Variants in DCDC2 observed in about 807,000 individuals in gnomAD.
DCDC2 encodes the protein doublecortin domain-containing protein 2.
Under a neutral mutation model 50.2 loss-of-function variants are expected in DCDC2, and 40 were observed. That is an observed-to-expected ratio of 0.80 (90% CI 0.62 to 1.04). The LOEUF is 1.04. Among genes scored for constraint, DCDC2 ranks in the 50% least tolerant of loss-of-function variants. The pLI, the probability that DCDC2 is intolerant of heterozygous loss-of-function variation, is 0.00. For synonymous variants in DCDC2, 234 were observed against 210.6 expected, an observed-to-expected ratio of 1.11 and a Z score of -0.96; for missense variants, 570 against 581.9, an observed-to-expected ratio of 0.98 and a Z score of 0.21.
At position 24,172,442 on chromosome 6, in the gene DCDC2, C is replaced by T. The variant is rs1760800141; in HGVS notation, c.*2288G>A. ...AAACGTTATTATTCATGTAAAATAT[C>T]AATGTTGTGCTTCATTAAAATGACG... On this transcript the variant is annotated 3_prime_UTR_variant, in exon 10 of 10. Coordinates refer to ENST00000378454, the MANE Select transcript of DCDC2 (RefSeq NM_016356.5). The T allele has an allele frequency of 6.6e-6, 1 of 151,946 alleles. No individual in the cohort carries two copies. Among genetic ancestry groups the T allele is most frequent in the Admixed American group, 6.6e-5 (1 of 15,262 alleles). The allele number at this position is 151,946 out of a possible 1,614,324, so 9.4% of individuals were successfully genotyped here.
chr6:24,195,491 C>G (rs1658910806), intron 8 of DCDC2, among the ~76,000 whole-genome samples: 2 of 152,066 alleles, frequency 1.3e-5, no homozygotes. Context: ...ACCTTTGCAC[C>G]ATAGGGAGAC....
chr6:24,197,468 A>G (rs1761472170), intron 8 of DCDC2, among the ~76,000 whole-genome samples: 1 of 152,240 alleles, frequency 6.6e-6, no homozygotes, highest in Non-Finnish European at 1.5e-5. Context: ...ATACATGATG[A>G]TCACTCTTCT....
intron 9 of DCDC2, among the ~76,000 whole-genome samples, chr6:24,177,066 A>G (rs774628474): frequency 8.5e-5 from 13 of 152,232 alleles, no homozygotes; most frequent in Non-Finnish European, 1.9e-4. Flanking sequence ...GGATCTTACT[A>G]TCTAGTCCCA....
intron 7 of DCDC2, among the ~76,000 whole-genome samples, chr6:24,240,579 T>A (rs949511008): frequency 2.0e-5 from 3 of 152,224 alleles, no homozygotes; most frequent in African/African-American, 7.2e-5. Flanking sequence ...TTTTGATTAC[T>A]AGGCATTTTA....
At position 24,333,464 on chromosome 6, in the gene DCDC2, C is replaced by T. The variant is rs961118174; in HGVS notation, c.348+20105G>A. Among the ~76,000 whole-genome samples, 8 of 152,146 alleles carry T rather than the reference C, an allele frequency of 5.3e-5. No homozygotes were observed. In the South Asian group the frequency reaches 8.3e-4, roughly 16 times the overall value. ...ATCCAATCCAATTCACACACACACA[C>T]GCAACCAAAATCACAATTTCACAAA... On this transcript the variant is annotated intron_variant, in intron 2 of 9. Coordinates refer to ENST00000378454, the MANE Select transcript of DCDC2 (RefSeq NM_016356.5).
At chr6:24,275,789 T>TA (rs1232671972) in intron 7 of DCDC2, among the ~76,000 whole-genome samples, 1 of 152,112 alleles carries the variant, frequency 6.6e-6, no homozygotes, top group Non-Finnish European at 1.5e-5. Context: ...CACTTTTTTT[T>TA]ATCTTCATGC....
chr6:24,256,715 A>G (rs1287268387), intron 7 of DCDC2, among the ~76,000 whole-genome samples: 1 of 152,252 alleles, frequency 6.6e-6, no homozygotes, highest in Non-Finnish European at 1.5e-5. Context: ...GTGAGAAATT[A>G]GAAATGTAAA....
intron 7 of DCDC2, among the ~76,000 whole-genome samples, chr6:24,216,089 A>G (rs978183355): frequency 1.3e-5 from 2 of 152,198 alleles, no homozygotes; most frequent in African/African-American, 4.8e-5. Flanking sequence ...CCTCCTGTTA[A>G]GCATACTGAT....
intron 2 of DCDC2, among the ~76,000 whole-genome samples, chr6:24,306,539 T>TAGAG (rs1276949309): frequency 7.4e-5 from 8 of 108,514 alleles, no homozygotes; most frequent in African/African-American, 2.3e-4. Context: ...GATAGATAGA[T>TAGAG]AGATAGACAG....
intron 7 of DCDC2, among the ~76,000 whole-genome samples, chr6:24,245,368 C>T (rs1347269806): frequency 1.3e-5 from 2 of 152,136 alleles, no homozygotes; most frequent in African/African-American, 2.4e-5. Flanking sequence ...GTTCCAAATG[C>T]CTGAAAAATG....
rs150574345 is a variant in DCDC2, at chr6:24,337,574, G to A, written c.348+15995C>T. On this transcript the variant is annotated intron_variant, in intron 2 of 9. Coordinates refer to ENST00000378454, the MANE Select transcript of DCDC2 (RefSeq NM_016356.5). ...TTTGGGAGGCCGAGGTGGGCGGATC[G>A]CTTGAGGTCAGGCATTCAAGACCGA... 7.3e-3 allele frequency among the ~76,000 whole-genome samples: 1,113 copies of A among 152,100 alleles called. 12 individuals are homozygous for A. The highest frequency in any genetic ancestry group is 0.025 in the African/African-American group (1,023 of 41,474).
chr6:24,304,487 GA>G (rs1275255113), intron 2 of DCDC2, among the ~76,000 whole-genome samples: 1 of 151,914 alleles, frequency 6.6e-6, no homozygotes, highest in Non-Finnish European at 1.5e-5. Flanking sequence ...TGTCTCAAAA[GA>G]AAAAATAAAA....
rs1436725823 is a variant in DCDC2, at chr6:24,288,855, C to T, written c.756G>A (p.Gly252=). 6.2e-7 allele frequency: 1 copy of T among 1,611,284 alleles called. No homozygotes were observed. Among genetic ancestry groups the T allele is most frequent in the Non-Finnish European group, 8.5e-7 (1 of 1,178,392 alleles). The change falls in exon 6 of 10, where the codon GGG becomes GGA. Residue 252 remains glycine (G), a synonymous_variant. Transcript: ENST00000378454. ...PPIVGSRKSK[G]SGNDRHSKST... ...GAGGAAAGCATCTGATACTTACACT[C>T]CCTTTAGACTTTCTGGATCCTACAA... is the stretch of plus-strand genomic sequence containing the variant.
chr6:24,266,283 G>A (rs955263917), intron 7 of DCDC2, among the ~76,000 whole-genome samples: 9 of 152,106 alleles, frequency 5.9e-5, no homozygotes, highest in Admixed American at 3.9e-4. Context: ...ATTGGTCTGG[G>A]CAAAGATTTC....
intron 2 of DCDC2, among the ~76,000 whole-genome samples, chr6:24,340,318 T>C (rs1179992596): frequency 2.6e-5 from 4 of 152,154 alleles, no homozygotes; most frequent in Admixed American, 2.0e-4. Context: ...ATCAATATTA[T>C]TGATAAAATT....
Position 24,357,986 on chromosome 6 carries a change from G to A in DCDC2, c.-236C>T. 10 of 1,430,766 alleles carry A rather than the reference G, an allele frequency of 7.0e-6. No individual in the cohort carries two copies. Among genetic ancestry groups the A allele is most frequent in the Non-Finnish European group, 9.3e-6 (10 of 1,076,980 alleles). 88.6% of individuals were successfully genotyped at this position (1,430,766 alleles called of 1,614,324 possible). A position where few individuals can be genotyped will look rare whatever the true frequency, so the allele number is the denominator to read the frequency against. ...CAAGTTTTTCACCGTGGCGTGCACA[G>A]CCAATCAGGACCCGCAGTGCGCGCA... On this transcript the variant is annotated 5_prime_UTR_variant, in exon 1 of 10. Transcript: ENST00000378454.
chr6:24,289,652 C>T (rs1763696021), intron 5 of DCDC2, among the ~76,000 whole-genome samples: 1 of 152,112 alleles, frequency 6.6e-6, no homozygotes, highest in Admixed American at 6.5e-5. Context: ...GGTTGGTTAG[C>T]GATAAGTCAG....
chr6:24,270,574 G>C (rs1763216758), intron 7 of DCDC2, among the ~76,000 whole-genome samples: 1 of 152,110 alleles, frequency 6.6e-6, no homozygotes. Context: ...TATGGTCCAG[G>C]ATCTGCTGAT....
Position 24,357,549 on chromosome 6 carries a change from G to C in DCDC2, c.202C>G (p.Pro68Ala). Residue 68 changes from proline to alanine, a missense_variant, in exon 1 of 10, where the codon CCG becomes GCG. Transcript: ENST00000378454. ...PFGAVRNIYTPRTGHRIRKLD... is the reference protein window; with the variant it reads ...PFGAVRNIYTARTGHRIRKLD... ...TTCCGGATTCGGTGGCCAGTCCGCG[G>C]GGTGTAGATGTTCCTGACGGCCCCA... 1 of 1,613,562 alleles carries C rather than the reference G, an allele frequency of 6.2e-7. No individual in the cohort carries two copies. Among genetic ancestry groups the C allele is most frequent in the Non-Finnish European group, 8.5e-7 (1 of 1,180,034 alleles).
Sources: gnomAD v4.1 joint callset for allele counts (sites outside exome capture counted in the v4.1 genomes callset) on GRCh38, gnomAD v4.1.1 for gene constraint, MANE v1.5 for transcripts, NCBI Gene and HGNC (gene_info 2026-07-23, HGNC 2026-07-21) for gene names.